RIMS3: variants seen among roughly 807,000 people sequenced by gnomAD.
RIMS3 encodes the protein regulating synaptic membrane exocytosis 3.
In RIMS3, 15 loss-of-function variants were observed where a neutral mutation model predicts 29.2. That is an observed-to-expected ratio of 0.51 (90% CI 0.34 to 0.79). The LOEUF (loss-of-function observed/expected upper bound fraction) is 0.79. RIMS3 is among the 30% of genes least tolerant of loss of function. The pLI is 0.01. For missense variants in RIMS3, 342 were observed against 421.4 expected, an observed-to-expected ratio of 0.81 and a Z score of 1.65; for synonymous variants, 161 against 170.1, an observed-to-expected ratio of 0.95 and a Z score of 0.41.
chr1:40,690,017 T>C, the RIMS3 span, among the ~76,000 whole-genome samples: 2 of 152,200 alleles, frequency 1.3e-5, no homozygotes, highest in African/African-American at 4.8e-5. Flanking sequence ...ATACTTAATA[T>C]CACTCTTAGC....
the RIMS3 span, chr1:40,692,032 T>A: frequency 5.1e-6 from 1 of 195,330 alleles, no homozygotes; most frequent in Non-Finnish European, 1.1e-5. Flanking sequence ...CCTGGCCCGC[T>A]GCTGTCGCCG....
the RIMS3 span, among the ~76,000 whole-genome samples, chr1:40,686,193 G>A: frequency 2.0e-5 from 3 of 152,012 alleles, no homozygotes; most frequent in Non-Finnish European, 4.4e-5. Flanking sequence ...AAAGGGCAAG[G>A]GGTATTCAGC....
upstream of RIMS3, among the ~76,000 whole-genome samples, chr1:40,670,574 TTATATATATATA>T (rs553412097): frequency 1.0e-3 from 73 of 71,190 alleles, 1 homozygote; most frequent in South Asian, 4.3e-3. Flanking sequence ...AGTTATAATT[TTATATATATATA>T]TATATATATA....
intron 2 of RIMS3, among the ~76,000 whole-genome samples, chr1:40,642,692 A>G (rs1646566365): frequency 2.0e-5 from 3 of 152,118 alleles, no homozygotes; most frequent in Admixed American, 2.0e-4. Flanking sequence ...ACAGTGGCTC[A>G]TGCCTGTAAT....
chr1:40,649,309 GC>G (rs1430029448), intron 1 of RIMS3, among the ~76,000 whole-genome samples: 3 of 152,136 alleles, frequency 2.0e-5, no homozygotes, highest in Admixed American at 2.0e-4. Flanking sequence ...AATCATATGT[GC>G]ACACCACCCC....
At chr1:40,665,998 G>A (rs1208231398), upstream of RIMS3, among the ~76,000 whole-genome samples, 1 of 152,124 alleles carries the variant, frequency 6.6e-6, no homozygotes, top group African/African-American at 2.4e-5. Flanking sequence ...GACCTCACAG[G>A]CACCACGGCG....
In RIMS3 at chr1:40,665,678, A is replaced by G; in HGVS notation, c.-491T>C. ...ACCGTTTTCAGTCGCCGCCGGGTGC[A>G]AAGCCCAAGCTTGGGCCGGCGGGAG... On this transcript the variant is annotated 5_prime_UTR_variant, in exon 1 of 8. Coordinates refer to ENST00000372684, the MANE Select transcript of RIMS3 (RefSeq NM_014747.3). The G allele has an allele frequency of 6.6e-6, 1 of 152,554 alleles. No individual in the cohort carries two copies. The highest frequency in any genetic ancestry group is 1.5e-5 in the Non-Finnish European group (1 of 68,078). 9.5% of individuals were successfully genotyped at this position (152,554 alleles called of 1,614,324 possible).
At chr1:40,678,963 A>G in the RIMS3 span, among the ~76,000 whole-genome samples, 1 of 152,268 alleles carries the variant, frequency 6.6e-6, no homozygotes, top group African/African-American at 2.4e-5. Flanking sequence ...AAAGTTGGGT[A>G]GACTAGAGAT....
chr1:40,623,353 G>T lies in RIMS3; in HGVS notation c.*3164C>A, dbSNP rs1646434078. 2.5e-6 allele frequency: 1 copy of T among 398,556 alleles called. No individual in the cohort carries two copies. The highest frequency in any genetic ancestry group is 3.6e-5 in the East Asian group (1 of 28,070). 24.7% of individuals were successfully genotyped at this position (398,556 alleles called of 1,614,324 possible). A position where few individuals can be genotyped will look rare whatever the true frequency, so the allele number is the denominator to read the frequency against. On this transcript the variant is annotated 3_prime_UTR_variant, in exon 8 of 8. Transcript: ENST00000372684. The stretch of plus-strand genomic sequence containing the variant: ...GCCTTTTTCATACCAAAAACCCATT[G>T]CAGGGAAAAGGAGTCTATGAAGAAA...
the RIMS3 span, among the ~76,000 whole-genome samples, chr1:40,679,292 C>T: frequency 6.6e-6 from 1 of 152,206 alleles, no homozygotes. Flanking sequence ...CTCCTCCCAC[C>T]ATCCCCTCCC....
At chr1:40,665,816 G>A (rs1642418171), upstream of RIMS3, among the ~76,000 whole-genome samples, 1 of 152,204 alleles carries the variant, frequency 6.6e-6, no homozygotes, top group Non-Finnish European at 1.5e-5. Context: ...TTGGCTTGCC[G>A]GGTTGTGGTT....
At chr1:40,690,180 TG>T in the RIMS3 span, among the ~76,000 whole-genome samples, 1 of 152,226 alleles carries the variant, frequency 6.6e-6, no homozygotes, top group Non-Finnish European at 1.5e-5. Context: ...TGTAACTAAA[TG>T]TACACTTTTA....
chr1:40,691,163 T>C, the RIMS3 span: 1 of 152,398 alleles, frequency 6.6e-6, no homozygotes, highest in Admixed American at 6.5e-5. Flanking sequence ...AACAACTATG[T>C]CGACGTAAGG....
intron 3 of RIMS3, among the ~76,000 whole-genome samples, chr1:40,637,551 G>A (rs1022686259): frequency 2.0e-5 from 3 of 151,918 alleles, no homozygotes; most frequent in African/African-American, 7.3e-5. Context: ...ACAAAGAGAG[G>A]CATAGGCAGA....
At chr1:40,686,137 G>A in the RIMS3 span, among the ~76,000 whole-genome samples, 12 of 150,924 alleles carry the variant, frequency 8.0e-5, no homozygotes, top group Non-Finnish European at 1.2e-4. Flanking sequence ...TGACAAGAGC[G>A]AAACTCTGTC....
chr1:40,672,726 G>A, the RIMS3 span, among the ~76,000 whole-genome samples: 2 of 152,154 alleles, frequency 1.3e-5, no homozygotes, highest in African/African-American at 2.4e-5. Flanking sequence ...CGCCAAACCA[G>A]TGTGGTGGCT....
intron 1 of RIMS3, among the ~76,000 whole-genome samples, chr1:40,660,229 G>A (rs1172822287): frequency 1.3e-5 from 2 of 152,094 alleles, no homozygotes; most frequent in African/African-American, 4.8e-5. Flanking sequence ...GTGGGAGGAC[G>A]GCGATGCCAG....
the RIMS3 span, among the ~76,000 whole-genome samples, chr1:40,675,619 G>A: frequency 4.3e-3 from 657 of 152,074 alleles, 3 homozygotes; most frequent in African/African-American, 0.015. Context: ...TTAGCCAGTC[G>A]TGGTGGTACA....
In RIMS3 at chr1:40,654,664, C is replaced by T. The variant is rs1190021422; in HGVS notation, c.-206-6822G>A. ...CCCACAACACACCCTGCCACACACA[C>T]ACAAACTCGCACGCTGCAGAAAAAC... On this transcript the variant is annotated intron_variant, in intron 1 of 7. Transcript: ENST00000372684. This position sits in a 1 kb window ranked among gnomAD's most constrained non-coding sequence, Gnocchi z 5.3. Among the ~76,000 whole-genome samples, 1 of 152,088 alleles carries T rather than the reference C, an allele frequency of 6.6e-6. No homozygotes were observed. Among genetic ancestry groups the T allele is most frequent in the African/African-American group, 2.4e-5 (1 of 41,398 alleles).
Sources: gnomAD v4.1 joint callset for allele counts (sites outside exome capture counted in the v4.1 genomes callset) on GRCh38, gnomAD v4.1.1 for gene constraint, Gnocchi (gnomAD v3.1) non-coding constraint, MANE v1.5 for transcripts, NCBI Gene and HGNC (gene_info 2026-07-23, HGNC 2026-07-21) for gene names.